The following FKBP5 variants were observed in gnomAD, a reference collection of about 807,000 sequenced individuals.
The protein encoded by FKBP5 is peptidyl-prolyl cis-trans isomerase FKBP5.
FKBP5 carries 23 observed loss-of-function variants against 50.5 expected under a neutral mutation model. The observed-to-expected ratio is 0.46, with a 90% CI of 0.33 to 0.65. The LOEUF is 0.65. Among genes scored for constraint, FKBP5 ranks in the 30% least tolerant of loss-of-function variants. FKBP5 has a pLI of 0.02. For synonymous variants in FKBP5, 176 were observed against 190.6 expected (o/e 0.92, Z 0.63); for missense variants, 411 against 553.1 (o/e 0.74, Z 2.58).
chr6:35,658,379 G>A (rs1278356771), intron 1 of FKBP5, among the ~76,000 whole-genome samples: 1 of 144,796 alleles, frequency 6.9e-6, no homozygotes, highest in African/African-American at 2.6e-5. Flanking sequence ...TTGAGACTCC[G>A]TCAAAAAAAA....
intron 1 of FKBP5, among the ~76,000 whole-genome samples, chr6:35,683,789 C>T (rs1225733933): frequency 6.6e-6 from 1 of 151,972 alleles, no homozygotes; most frequent in African/African-American, 2.4e-5. Flanking sequence ...TGGTGGCTCA[C>T]ACCTGTAATC....
intron 2 of FKBP5, among the ~76,000 whole-genome samples, chr6:35,637,612 C>T (rs1052689518): frequency 7.9e-5 from 12 of 151,944 alleles, no homozygotes; most frequent in Non-Finnish European, 1.0e-4. Context: ...TACAGGCGTG[C>T]GCCTCCGTGC....
At chr6:35,596,718 G>A (rs1762994166) in intron 6 of FKBP5, among the ~76,000 whole-genome samples, 2 of 152,190 alleles carry the variant, frequency 1.3e-5, no homozygotes, top group African/African-American at 4.8e-5. Flanking sequence ...AAGCTTGAAA[G>A]TGCTAATGGA....
upstream of FKBP5, among the ~76,000 whole-genome samples, chr6:35,692,790 C>CAAAA (rs71002588): frequency 2.7e-3 from 285 of 105,568 alleles, 3 homozygotes; most frequent in Middle Eastern, 0.016. Flanking sequence ...GACTCTGTCT[C>CAAAA]AAAAAAAAAA....
intron 2 of FKBP5, among the ~76,000 whole-genome samples, chr6:35,714,463 A>G (rs1218555739): frequency 1.3e-5 from 2 of 148,208 alleles, no homozygotes; most frequent in Non-Finnish European, 3.0e-5. Context: ...AAAAAAAAAA[A>G]AAAAGAAAAG....
At chr6:35,607,328 C>G (rs1028289336) in intron 5 of FKBP5, among the ~76,000 whole-genome samples, 3 of 150,890 alleles carry the variant, frequency 2.0e-5, no homozygotes, top group African/African-American at 7.3e-5. Context: ...ACTACAGCCT[C>G]CTGAGTAGCC....
At chr6:35,682,217 T>C (rs567597618) in intron 1 of FKBP5, among the ~76,000 whole-genome samples, 1 of 152,366 alleles carries the variant, frequency 6.6e-6, no homozygotes, top group African/African-American at 2.4e-5. Context: ...GTTTTTATTG[T>C]CTTGCTTTTT....
rs556712435 is a variant in FKBP5 at position 35,601,980 on chromosome 6, C to T, written c.509-4576G>A. On this transcript the variant is annotated intron_variant, in intron 5 of 10. Coordinates refer to ENST00000357266, the MANE Select transcript of FKBP5 (RefSeq NM_004117.4). ...AATTACCCAAGCTTAGCTGCGCAAT[C>T]GGAGTGTAACCACATCAAGCGAGCT... 1.4e-4 allele frequency among the ~76,000 whole-genome samples: 22 copies of T among 152,292 alleles called. 1 individual carries two copies. In the South Asian group the frequency reaches 4.6e-3, roughly 32 times the overall value.
chr6:35,716,172 G>A (rs779855287), intron 2 of FKBP5, among the ~76,000 whole-genome samples: 1 of 152,122 alleles, frequency 6.6e-6, no homozygotes, highest in Non-Finnish European at 1.5e-5. Context: ...AGGAGTTCGA[G>A]CCCAGCCTGG....
chr6:35,662,544 A>C (rs1765101454), intron 1 of FKBP5, among the ~76,000 whole-genome samples: 1 of 151,626 alleles, frequency 6.6e-6, no homozygotes, highest in Admixed American at 6.6e-5. Context: ...TCAGCCTCCC[A>C]AAGTGCTGGG....
At chr6:35,686,379 C>CTT (rs10637154) in intron 1 of FKBP5, among the ~76,000 whole-genome samples, 14,632 of 151,988 alleles carry the variant, frequency 0.096, 1,486 homozygotes, top group African/African-American at 0.26. Context: ...CTAAAATACA[C>CTT]ATATGTAAAT....
At chr6:35,623,135 C>A (rs4713900) in intron 3 of FKBP5, among the ~76,000 whole-genome samples, 3 of 152,124 alleles carry the variant, frequency 2.0e-5, no homozygotes, top group African/African-American at 4.8e-5. Flanking sequence ...CCAGCTACTC[C>A]GGAGGCTGAG....
rs1561903574 is a variant in FKBP5 at position 35,705,234 on chromosome 6, ATATATATATATATATATATATATATT to A, written c.-20+15068_-20+15093del. Among the ~76,000 whole-genome samples the A allele has an allele frequency of 2.2e-3, 11 of 4,902 alleles. 1 individual carries two copies. The highest frequency in any genetic ancestry group is 6.8e-3 in the South Asian group (2 of 294). The allele number at this position is 4,902 out of a possible 152,430, so 3.2% of individuals were successfully genotyped here. On this transcript the variant is annotated intron_variant, in intron 2 of 11. Transcript: ENST00000536438. ...TACAAATATATATATATATATATAT[ATATATATATATATATATATATATATT>A]TTTTTTTTTTTTTTTTTTTTTTTGG...
intron 1 of FKBP5, among the ~76,000 whole-genome samples, chr6:35,665,378 C>CCCAGGT (rs1286468794): frequency 6.6e-6 from 1 of 151,808 alleles, no homozygotes; most frequent in Non-Finnish European, 1.5e-5. Context: ...ACCTCCGCCT[C>CCCAGGT]CCAGGTTCAA....
At chr6:35,678,443 A>T (rs191169541) in intron 1 of FKBP5, among the ~76,000 whole-genome samples, 1 of 152,226 alleles carries the variant, frequency 6.6e-6, no homozygotes, top group Non-Finnish European at 1.5e-5. Flanking sequence ...CATTTAGACA[A>T]TTCCAGTATC....
At position 35,613,471 on chromosome 6, in the gene FKBP5, C is replaced by T. The variant is rs535134639; in HGVS notation, c.508+5625G>A. 1.4e-4 allele frequency among the ~76,000 whole-genome samples: 22 copies of T among 152,354 alleles called. No homozygotes were observed. In the South Asian group the frequency reaches 4.1e-3, roughly 29 times the overall value. Reference sequence around the variant, plus strand: ...CCTCACGTGATCTGCCCACCTCGGCCTCCCAAAGTGCTGGGATTACAGGCG... The same window carrying T: ...CCTCACGTGATCTGCCCACCTCGGCTTCCCAAAGTGCTGGGATTACAGGCG... On this transcript the variant is annotated intron_variant, in intron 5 of 10. Transcript: ENST00000357266.
intron 9 of FKBP5, among the ~76,000 whole-genome samples, chr6:35,579,754 T>TTA (rs1365189871): frequency 6.6e-6 from 1 of 152,158 alleles, no homozygotes; most frequent in Non-Finnish European, 1.5e-5. Flanking sequence ...AATACTACAG[T>TTA]TATAAGGAAG....
intron 9 of FKBP5, among the ~76,000 whole-genome samples, chr6:35,579,413 G>C (rs941737364): frequency 1.3e-5 from 2 of 152,050 alleles, no homozygotes; most frequent in African/African-American, 2.4e-5. Flanking sequence ...TCTGAGACCA[G>C]ATACCTAAAA....
chr6:35,652,648 T>C (rs542168396), intron 1 of FKBP5, among the ~76,000 whole-genome samples: 34 of 152,342 alleles, frequency 2.2e-4, no homozygotes, highest in African/African-American at 8.2e-4. Flanking sequence ...TGATAAGATG[T>C]TATCAATGAC....
Sources: allele counts gnomAD v4.1 joint callset (sites outside exome capture counted in the v4.1 genomes callset), GRCh38; gene constraint gnomAD v4.1.1; transcripts MANE v1.5; gene names NCBI Gene and HGNC (gene_info 2026-07-23, HGNC 2026-07-21).